DZIP1L: variants seen among roughly 807,000 people sequenced by gnomAD.
DZIP1L encodes the protein DAZ interacting zinc finger protein 1 like.
In DZIP1L, 90 loss-of-function variants were observed where a neutral mutation model predicts 88.7. That is an observed-to-expected ratio of 1.02 (90% CI 0.86 to 1.21). The LOEUF (loss-of-function observed/expected upper bound fraction) is 1.21, where lower values mean the gene tolerates loss of function less well. DZIP1L is among the 50% of genes most tolerant of loss of function. The probability of loss-of-function intolerance (pLI) is 0.00; values close to 1 mark genes in which losing one functional copy is unlikely to be tolerated. For synonymous variants in DZIP1L, 363 were observed against 372.1 expected, an observed-to-expected ratio of 0.98 and a Z score of 0.28; for missense variants, 932 against 955.8, an observed-to-expected ratio of 0.98 and a Z score of 0.33.
chr3:138,067,609 G>T lies in DZIP1L; in HGVS notation c.1924C>A (p.Pro642Thr). Reference sequence around the variant, plus strand: ...CAGTCCCAGTCATCCTTGGGCCGGGGCACCATCCTGGAAGGAACTTTTGGG... The same window carrying T: ...CAGTCCCAGTCATCCTTGGGCCGGGTCACCATCCTGGAAGGAACTTTTGGG... The part of the protein sequence containing the change: ...QPPKVPSRMV[P>T]RPKDDWDWSD... The change falls in exon 14 of 16, where the codon CCC (proline) becomes ACC (threonine). Residue 642 changes from proline (P) to threonine (T), a missense_variant. Coordinates refer to ENST00000327532, the MANE Select transcript of DZIP1L (RefSeq NM_173543.3). 6.2e-7 allele frequency: 1 copy of T among 1,611,852 alleles called. No individual in the cohort carries two copies. Among genetic ancestry groups the T allele is most frequent in the Non-Finnish European group, 8.5e-7 (1 of 1,178,914 alleles).
rs972252564 is a variant in DZIP1L, at chr3:138,071,964, G to T, written c.1423-129C>A. ...TGCCTGGTGCTTTTCTTGCAGGACT[G>T]GGGGGCATGAAATGAGGATCAGAGA... On this transcript the variant is annotated intron_variant, in intron 11 of 15. Coordinates refer to ENST00000327532, the MANE Select transcript of DZIP1L (RefSeq NM_173543.3). 6.8e-6 allele frequency: 6 copies of T among 876,568 alleles called. No individual in the cohort carries two copies. The East Asian group carries it at 1.1e-4, about 16-fold the overall frequency. The allele number at this position is 876,568 out of a possible 1,614,324, so 54.3% of individuals were successfully genotyped here.
intron 14 of DZIP1L, among the ~76,000 whole-genome samples, chr3:138,066,120 A>T (rs984158718): frequency 3.9e-5 from 6 of 152,248 alleles, no homozygotes; most frequent in African/African-American, 1.4e-4. Context: ...ATAAAGGTTG[A>T]CTGTGGCTGC....
intron 8 of DZIP1L, among the ~76,000 whole-genome samples, chr3:138,083,322 A>G (rs1329814405): frequency 6.6e-6 from 1 of 152,186 alleles, no homozygotes; most frequent in Non-Finnish European, 1.5e-5. Flanking sequence ...AAGCACAAAT[A>G]GCAAGGGGTG....
rs776607541 is a variant in DZIP1L at position 138,064,515 on chromosome 3, G to C, written c.2142+113C>G. 450 of 1,612,522 alleles carry C rather than the reference G, an allele frequency of 2.8e-4. 1 individual carries two copies. The highest frequency in any genetic ancestry group is 3.3e-4 in the Non-Finnish European group (391 of 1,179,688). Reference sequence around the variant, plus strand: ...GGAGGTCACCCACAATGTCCCACTAGGGCAAAGGATGACACTTGCTGGGCC... The same window carrying C: ...GGAGGTCACCCACAATGTCCCACTACGGCAAAGGATGACACTTGCTGGGCC... On this transcript the variant is annotated intron_variant, in intron 15 of 15. Transcript: ENST00000327532.
Position 138,080,688 on chromosome 3 carries a change from C to T in DZIP1L, c.1235-68G>A, listed in dbSNP as rs1038953440. The T allele has an allele frequency of 1.9e-6, 3 of 1,546,540 alleles. No homozygotes were observed. In the South Asian group the frequency reaches 3.4e-5, roughly 17 times the overall value. On this transcript the variant is annotated intron_variant, in intron 9 of 15. Coordinates refer to ENST00000327532, the MANE Select transcript of DZIP1L (RefSeq NM_173543.3). ...CCCATCCCTGACTAGAAGAAAAGTA[C>T]AGAACCCCAGCTGAGTATGAGCCAG... is the stretch of plus-strand genomic sequence containing the variant.
intron 5 of DZIP1L, among the ~76,000 whole-genome samples, chr3:138,090,939 A>T (rs1187191035): frequency 2.0e-5 from 3 of 150,338 alleles, no homozygotes; most frequent in Non-Finnish European, 4.4e-5. Flanking sequence ...GCAGGGGTGC[A>T]GTGGCGTGAT....
chr3:138,113,814 T>C (rs1036851714), intron 1 of DZIP1L, among the ~76,000 whole-genome samples: 5 of 152,214 alleles, frequency 3.3e-5, no homozygotes, highest in African/African-American at 1.2e-4. Flanking sequence ...GCGCTCTCCT[T>C]ACACCTGGCC....
chr3:138,068,417 C>A, intron 12 of DZIP1L, 50 bp from the exon 13 acceptor site: 3 of 1,387,510 alleles, frequency 2.2e-6, no homozygotes, highest in Non-Finnish European at 2.9e-6. Context: ...TGCTGGATCT[C>A]AAGCCTAAGA....
In DZIP1L at chr3:138,068,148, C is replaced by T; in HGVS notation, c.1832+3G>A. ...GGGTGAGAGGGCAGAGTCTGGGGCT[C>T]ACCTCATCCCGGGCCCCGAGGAAGG... On this transcript the variant is annotated splice_donor_region_variant and intron_variant, in intron 13 of 15. Transcript: ENST00000327532. The T allele has an allele frequency of 1.3e-6, 2 of 1,497,298 alleles. No homozygotes were observed. Among genetic ancestry groups the T allele is most frequent in the African/African-American group, 1.4e-5 (1 of 71,212 alleles). The allele number at this position is 1,497,298 out of a possible 1,614,324, so 92.8% of individuals were successfully genotyped here. A position where few individuals can be genotyped will look rare whatever the true frequency, so the allele number is the denominator to read the frequency against.
intron 2 of DZIP1L, among the ~76,000 whole-genome samples, chr3:138,099,309 A>AT (rs899541357): frequency 2.7e-3 from 402 of 148,230 alleles, no homozygotes; most frequent in Middle Eastern, 0.021. Flanking sequence ...TTTTTTAGGA[A>AT]TTTTTTTTTT....
At chr3:138,097,738 G>A (rs1382189371) in intron 3 of DZIP1L, 25 bp downstream of exon 3, 2 of 1,593,376 alleles carry the variant, frequency 1.3e-6, no homozygotes, top group South Asian at 1.1e-5. Flanking sequence ...TCCCAGAAGG[G>A]GCCCGGGCTG....
chr3:138,069,352 T>G (rs1943066566), intron 12 of DZIP1L, among the ~76,000 whole-genome samples: 1 of 152,244 alleles, frequency 6.6e-6, no homozygotes, highest in Admixed American at 6.5e-5. Flanking sequence ...TAGTCCATAT[T>G]GTCGGTAAGA....
At chr3:138,101,225 A>G (rs201217350) in intron 2 of DZIP1L, among the ~76,000 whole-genome samples, 1 of 144,924 alleles carries the variant, frequency 6.9e-6, no homozygotes, top group South Asian at 2.2e-4. Context: ...CACAAACACT[A>G]TTTTTTTTTT....
At position 138,069,673 on chromosome 3, in the gene DZIP1L, A is replaced by T. The variant is rs1273555320; in HGVS notation, c.1616-1306T>A. ...CCCCCGAGCATCTTCAGAGGCTATC[A>T]TTTTCCCTACAGAGGCTTGCCCTCA... On this transcript the variant is annotated intron_variant, in intron 12 of 15. Transcript: ENST00000327532. Among the ~76,000 whole-genome samples the T allele has an allele frequency of 3.3e-5, 5 of 152,254 alleles. No homozygotes were observed. In the South Asian group the frequency reaches 8.3e-4, roughly 25 times the overall value.
chr3:138,081,242 T>C (rs898616297), intron 9 of DZIP1L, among the ~76,000 whole-genome samples: 2 of 152,020 alleles, frequency 1.3e-5, no homozygotes, highest in Admixed American at 1.3e-4. Context: ...CCGTCTACCT[T>C]TAGATGCCAG....
At chr3:138,064,871 C>A in intron 14 of DZIP1L, 104 bp from the exon 15 acceptor site, 1 of 1,478,244 alleles carries the variant, frequency 6.8e-7, no homozygotes, top group Admixed American at 2.3e-5. Flanking sequence ...AGGGAATGAG[C>A]AGAAGGGCCA....
At chr3:138,114,337 T>C (rs927388233) in intron 1 of DZIP1L, among the ~76,000 whole-genome samples, 8 of 152,130 alleles carry the variant, frequency 5.3e-5, no homozygotes, top group African/African-American at 1.7e-4. Context: ...AGGTTTCTGT[T>C]CCCAACCTGA....
chr3:138,067,319 C>T (rs1313947615), intron 14 of DZIP1L, among the ~76,000 whole-genome samples: 1 of 152,224 alleles, frequency 6.6e-6, no homozygotes, highest in Non-Finnish European at 1.5e-5. Flanking sequence ...AAACCTTGCT[C>T]AAACTCTAGC....
chr3:138,099,533 T>TAA (rs1312812541), intron 2 of DZIP1L, among the ~76,000 whole-genome samples: 2 of 152,198 alleles, frequency 1.3e-5, no homozygotes, highest in African/African-American at 4.8e-5. Flanking sequence ...GTGTCTACTA[T>TAA]TGTTTGAATG....
Sources: allele counts gnomAD v4.1 joint callset (sites outside exome capture counted in the v4.1 genomes callset), GRCh38; gene constraint gnomAD v4.1.1; transcripts MANE v1.5; gene names NCBI Gene and HGNC (gene_info 2026-07-23, HGNC 2026-07-21).